EARS2: variants seen among roughly 807,000 people sequenced by gnomAD.
EARS2 encodes glutamyl-tRNA synthetase 2, mitochondrial.
A neutral mutation model predicts 54.1 loss-of-function variants in EARS2; 50 were observed. That is an observed-to-expected ratio of 0.92 (90% CI 0.74 to 1.17). The LOEUF is 1.17. Ranked by LOEUF, EARS2 falls within the 50% of genes most tolerant of loss-of-function variation. The pLI is 0.00. For missense variants in EARS2, 673 were observed against 675.0 expected (o/e 1.00, Z 0.03); for synonymous variants, 298 against 281.0 (o/e 1.06, Z -0.61).
chr16:23,522,796 G>C lies in EARS2; in HGVS notation c.*1575C>G, dbSNP rs973615846. The C allele has an allele frequency of 6.6e-6, 1 of 152,176 alleles. No individual in the cohort carries two copies. The highest frequency in any genetic ancestry group is 2.4e-5 in the African/African-American group (1 of 41,436). 9.4% of individuals were successfully genotyped at this position (152,176 alleles called of 1,614,324 possible). A position where few individuals can be genotyped will look rare whatever the true frequency, so the allele number is the denominator to read the frequency against. ...CGTTCCGGAGCAGCTTCTCTGAGTG[G>C]TTCTGGCTTAGGGTCTCCCATAGAG... On this transcript the variant is annotated 3_prime_UTR_variant, in exon 9 of 9. Transcript: ENST00000449606.
At chr16:23,529,458 G>C in intron 7 of EARS2, 44 bp downstream of exon 7, 1 of 1,597,422 alleles carries the variant, frequency 6.3e-7, no homozygotes, top group Non-Finnish European at 8.6e-7. Flanking sequence ...ACAGAGAGAG[G>C]GAAGGAGGGT....
At chr16:23,541,292 A>G (rs1404028852) in intron 3 of EARS2, among the ~76,000 whole-genome samples, 1 of 152,216 alleles carries the variant, frequency 6.6e-6, no homozygotes, top group African/African-American at 2.4e-5. Flanking sequence ...TTGCCACTGC[A>G]CTCCAGCCTG....
Position 23,535,120 on chromosome 16 carries a change from G to T in EARS2, c.726C>A (p.Ser242Arg). 1 of 1,612,064 alleles carries T rather than the reference G, an allele frequency of 6.2e-7. No homozygotes were observed. Among genetic ancestry groups the T allele is most frequent in the Non-Finnish European group, 8.5e-7 (1 of 1,179,404 alleles). ...GCCACTCAGAGCCTCGCAGCACGTG[G>T]CTGATGCCCATGTGGTGGTCGTCCA... ...CVVDDHHMGI[S>R]HVLRGSEWLV... Residue 242 changes from serine (S) to arginine (R), a missense_variant, in exon 4 of 9, where the codon AGC (serine) becomes AGA (arginine). Coordinates refer to ENST00000449606, the MANE Select transcript of EARS2 (RefSeq NM_001083614.2).
rs1597013827 is a variant in EARS2, at chr16:23,535,311, GC to G, written c.534del (p.Lys178AsnfsTer43). ...ATCGCAGGCTTGGGGTCCTTGGCCA[GC>G]TTCTGGGCCACCTGCTCCTGGCTCA... ...RNMSQEQVAQ[K>X]LAKDPKPAIR... is the part of the protein sequence containing the mutation. On this transcript the variant is annotated frameshift_variant, in exon 4 of 9. Transcript: ENST00000449606. LOFTEE classifies it high-confidence loss of function. 3 of 1,602,866 alleles carry G rather than the reference GC, an allele frequency of 1.9e-6. No individual in the cohort carries two copies. The highest frequency in any genetic ancestry group is 2.5e-6 in the Non-Finnish European group (3 of 1,179,944).
chr16:23,525,606 G>A (rs1230525118), intron 7 of EARS2, among the ~76,000 whole-genome samples: 1 of 152,180 alleles, frequency 6.6e-6, no homozygotes, highest in Non-Finnish European at 1.5e-5. Flanking sequence ...TCACAATGCA[G>A]GGAGGTAAGA....
intron 2 of EARS2, among the ~76,000 whole-genome samples, chr16:23,549,229 A>G (rs901665345): frequency 6.6e-6 from 1 of 152,184 alleles, no homozygotes; most frequent in African/African-American, 2.4e-5. Context: ...AACAAGAGCT[A>G]TAACACCCCT....
In EARS2 at chr16:23,546,318, TGTTCACCTTGCTACCCTCAATGCTA is replaced by T. The variant is rs1196061631; in HGVS notation, c.296-1640_296-1616del. ...AAAGGAATTGGGAAGATAAGGACATTGTTCACCTTGCTACCCTCAATGCTAACACAAACTGAGCTGAGTGGGCCTG... is the reference window on the plus strand; with the variant it reads ...AAAGGAATTGGGAAGATAAGGACATTACACAAACTGAGCTGAGTGGGCCTG... On this transcript the variant is annotated intron_variant, in intron 2 of 8. Transcript: ENST00000449606. 6 of 444,852 alleles carry T rather than the reference TGTTCACCTTGCTACCCTCAATGCTA, an allele frequency of 1.3e-5. No homozygotes were observed. The Admixed American group carries it at 1.5e-4, about 11-fold the overall frequency. 27.6% of individuals were successfully genotyped at this position (444,852 alleles called of 1,614,324 possible).
chr16:23,525,765 G>A (rs954258656), intron 7 of EARS2, among the ~76,000 whole-genome samples: 2 of 152,124 alleles, frequency 1.3e-5, no homozygotes, highest in South Asian at 2.1e-4. Flanking sequence ...GGAGGCCAAG[G>A]CAGGCAGATC....
rs569523339 is a variant in EARS2, at chr16:23,534,812, C to G, written c.958+76G>C. ...AGGTGGCAAAGCTGGGACCAAAGAG[C>G]AGGACTGTCTGAGCCAAAGCCCTGC... On this transcript the variant is annotated intron_variant, in intron 4 of 8. Coordinates refer to ENST00000449606, the MANE Select transcript of EARS2 (RefSeq NM_001083614.2). The G allele has an allele frequency of 6.1e-5, 81 of 1,322,816 alleles. No homozygotes were observed. In the East Asian group the frequency reaches 1.7e-3, roughly 28 times the overall value. 81.9% of individuals were successfully genotyped at this position (1,322,816 alleles called of 1,614,324 possible).
chr16:23,532,773 G>C lies in EARS2; in HGVS notation c.959-8C>G, dbSNP rs1434777128. On this transcript the variant is annotated splice_region_variant and splice_polypyrimidine_tract_variant and intron_variant, in intron 4 of 8. Coordinates refer to ENST00000449606, the MANE Select transcript of EARS2 (RefSeq NM_001083614.2). ...TCCTGCCCATTTGGTTCTCTGCAAA[G>C]AAGAGAGGCCCAGCCACTCAGCTTC... 1.2e-6 allele frequency: 2 copies of C among 1,604,898 alleles called. No individual in the cohort carries two copies. Among genetic ancestry groups the C allele is most frequent in the African/African-American group, 2.7e-5 (2 of 74,762 alleles).
At chr16:23,543,321 G>T (rs527515542) in intron 3 of EARS2, among the ~76,000 whole-genome samples, 8 of 151,470 alleles carry the variant, frequency 5.3e-5, no homozygotes, top group African/African-American at 1.9e-4. Context: ...CTGAGATGGG[G>T]GCACTGCGTG....
At chr16:23,542,610 G>A (rs928906700) in intron 3 of EARS2, among the ~76,000 whole-genome samples, 78 of 151,938 alleles carry the variant, frequency 5.1e-4, no homozygotes, top group African/African-American at 1.7e-3. Context: ...CACCACGTCC[G>A]GCCTGTGGAC....
chr16:23,542,124 C>T (rs895022817), intron 3 of EARS2, among the ~76,000 whole-genome samples: 42 of 150,500 alleles, frequency 2.8e-4, no homozygotes, highest in Admixed American at 2.0e-4. Context: ...TCCCAACGTA[C>T]GGGGATTACA....
chr16:23,552,375 A>C, intron 1 of EARS2, 71 bp from the exon 2 acceptor site: 2 of 1,482,616 alleles, frequency 1.3e-6, no homozygotes, highest in Non-Finnish European at 1.9e-6. Context: ...GCAAGTAAGC[A>C]CTACTGTGAC....
rs531061994 is a variant in EARS2, at chr16:23,552,198, G to A, written c.246C>T (p.Arg82=). The part of the protein sequence containing the change: ...ILRLEDTDQT[R]VVPGAAENIE... Reference sequence around the variant, plus strand: ...TATTCTCCGCTGCCCCAGGCACAACGCGAGTCTGATCTGTGTCCTCTAGCC... The same window carrying A: ...TATTCTCCGCTGCCCCAGGCACAACACGAGTCTGATCTGTGTCCTCTAGCC... The change falls in exon 2 of 9, where the codon CGC becomes CGT. Residue 82 remains arginine, a synonymous_variant. Coordinates refer to ENST00000449606, the MANE Select transcript of EARS2 (RefSeq NM_001083614.2). 6.7e-4 allele frequency: 1,086 copies of A among 1,614,152 alleles called. 27 individuals carry two copies. In the South Asian group the frequency reaches 0.011, roughly 16 times the overall value.
chr16:23,552,448 A>AAAGTGGTAGG, intron 1 of EARS2, 144 bp from the exon 2 acceptor site: 1 of 948,100 alleles, frequency 1.1e-6, no homozygotes, highest in Non-Finnish European at 1.5e-6. Flanking sequence ...TAATCCTACC[A>AAAGTGGTAGG]CTTTGGGAGG....
rs1002225623 is a variant in EARS2, at chr16:23,521,909, T to A, written c.*2462A>T. 6 of 443,514 alleles carry A rather than the reference T, an allele frequency of 1.4e-5. No individual in the cohort carries two copies. Among genetic ancestry groups the A allele is most frequent in the African/African-American group, 1.2e-4 (6 of 49,656 alleles). The allele number at this position is 443,514 out of a possible 1,614,324, so 27.5% of individuals were successfully genotyped here. On this transcript the variant is annotated 3_prime_UTR_variant, in exon 9 of 9. Transcript: ENST00000449606. Reference sequence around the variant, plus strand: ...GACTCTGGATCGGCACAGATCTGAGTTTAAATCTTGGTTTTGCCTCGTACT... The same window carrying A: ...GACTCTGGATCGGCACAGATCTGAGATTAAATCTTGGTTTTGCCTCGTACT...
At chr16:23,545,910 A>G (rs1281216489) in intron 2 of EARS2, among the ~76,000 whole-genome samples, 1 of 152,012 alleles carries the variant, frequency 6.6e-6, no homozygotes, top group African/African-American at 2.4e-5. Context: ...ACAGTCTCCA[A>G]TTTCTAGGCT....
chr16:23,526,435 T>G (rs528420053), intron 7 of EARS2, among the ~76,000 whole-genome samples: 1 of 152,094 alleles, frequency 6.6e-6, no homozygotes, highest in Non-Finnish European at 1.5e-5. Flanking sequence ...AGTATTACAT[T>G]TCGTATTTGA....
Sources: allele counts gnomAD v4.1 joint callset (sites outside exome capture counted in the v4.1 genomes callset), GRCh38; gene constraint gnomAD v4.1.1; transcripts MANE v1.5; gene names NCBI Gene and HGNC (gene_info 2026-07-23, HGNC 2026-07-21).